PLCXD3: variants seen among roughly 807,000 people sequenced by gnomAD.
The protein encoded by PLCXD3 is phosphatidylinositol specific phospholipase C X domain containing 3, also known as PI-PLC X domain-containing protein 3.
A neutral mutation model predicts 25.5 loss-of-function variants in PLCXD3; 19 were observed. That is an observed-to-expected ratio of 0.75 (90% confidence interval 0.52 to 1.09). The LOEUF (loss-of-function observed/expected upper bound fraction) is 1.09, where lower values mean the gene tolerates loss of function less well. Ranked by LOEUF, PLCXD3 falls within the 50% of genes least tolerant of loss-of-function variation. The probability of loss-of-function intolerance (pLI) is 0.00; values close to 1 mark genes in which losing one functional copy is unlikely to be tolerated. For synonymous variants in PLCXD3, 174 were observed against 137.6 expected (o/e 1.26, Z -1.85); for missense variants, 411 against 388.1 (o/e 1.06, Z -0.50).
At chr5:41,355,734 C>T (rs557373928) in intron 2 of PLCXD3, among the ~76,000 whole-genome samples, 150 of 152,236 alleles carry the variant, frequency 9.9e-4, no homozygotes, top group African/African-American at 3.1e-3. Context: ...GCCCTAGTCA[C>T]GAGAGTGGGT....
chr5:41,330,033 A>T (rs985534080), intron 2 of PLCXD3, among the ~76,000 whole-genome samples: 1 of 152,016 alleles, frequency 6.6e-6, no homozygotes, highest in Admixed American at 6.6e-5. Context: ...ATAATAAAAA[A>T]TTTGTGTCTT....
intron 2 of PLCXD3, among the ~76,000 whole-genome samples, chr5:41,370,708 C>T (rs996697878): frequency 1.3e-5 from 2 of 152,180 alleles, no homozygotes; most frequent in Admixed American, 6.6e-5. Context: ...ACATCTGGAT[C>T]GCAAGCCCTC....
At chr5:41,437,010 G>A (rs1443605351) in intron 1 of PLCXD3, among the ~76,000 whole-genome samples, 1 of 152,148 alleles carries the variant, frequency 6.6e-6, no homozygotes, top group South Asian at 2.1e-4. Flanking sequence ...AATCTCATGG[G>A]GTTAGAGAGG....
At chr5:41,485,160 C>T (rs1434357639) in intron 1 of PLCXD3, among the ~76,000 whole-genome samples, 1 of 152,132 alleles carries the variant, frequency 6.6e-6, no homozygotes, top group Non-Finnish European at 1.5e-5. Flanking sequence ...AAGACGGACA[C>T]TATTCTACTT....
At chr5:41,336,370 A>G (rs1048529713) in intron 2 of PLCXD3, among the ~76,000 whole-genome samples, 27 of 152,198 alleles carry the variant, frequency 1.8e-4, no homozygotes, top group Non-Finnish European at 3.5e-4. Context: ...AAAATTTCGT[A>G]AAATACCCAA....
chr5:41,340,763 G>A (rs987532220), intron 2 of PLCXD3, among the ~76,000 whole-genome samples: 3 of 152,092 alleles, frequency 2.0e-5, no homozygotes, highest in South Asian at 4.1e-4. Context: ...AGTTGCAGTC[G>A]GCAGGAAAGA....
intron 2 of PLCXD3, among the ~76,000 whole-genome samples, chr5:41,347,376 T>C (rs1381191263): frequency 6.6e-6 from 1 of 152,234 alleles, no homozygotes; most frequent in East Asian, 1.9e-4. Flanking sequence ...TGGTTTACTC[T>C]GGACATTTAT....
intron 1 of PLCXD3, among the ~76,000 whole-genome samples, chr5:41,501,780 A>ACAT (rs1413179623): frequency 6.6e-6 from 1 of 152,148 alleles, no homozygotes; most frequent in African/African-American, 2.4e-5. Context: ...GTGGCGAACC[A>ACAT]CATCAATGTT....
At chr5:41,344,472 T>G (rs937229241) in intron 2 of PLCXD3, among the ~76,000 whole-genome samples, 3 of 152,156 alleles carry the variant, frequency 2.0e-5, no homozygotes, top group Non-Finnish European at 4.4e-5. Context: ...GAGAAATCCA[T>G]TTTCATTTGT....
At chr5:41,321,714 G>T (rs1032916722) in intron 2 of PLCXD3, among the ~76,000 whole-genome samples, 2 of 152,112 alleles carry the variant, frequency 1.3e-5, no homozygotes, top group Non-Finnish European at 2.9e-5. Flanking sequence ...CATGGCACTG[G>T]CATAAAAACA....
chr5:41,450,402 GT>G (rs1430324148), intron 1 of PLCXD3, among the ~76,000 whole-genome samples: 1 of 152,126 alleles, frequency 6.6e-6, no homozygotes, highest in Non-Finnish European at 1.5e-5. Flanking sequence ...TAATTAGCAA[GT>G]TTCAATTGAC....
At chr5:41,478,771 T>G (rs1748333709) in intron 1 of PLCXD3, among the ~76,000 whole-genome samples, 1 of 152,206 alleles carries the variant, frequency 6.6e-6, no homozygotes, top group South Asian at 2.1e-4. Context: ...GAGATTTAAT[T>G]GACTCACAGT....
At chr5:41,429,220 A>C (rs765788585) in intron 1 of PLCXD3, among the ~76,000 whole-genome samples, 1 of 152,132 alleles carries the variant, frequency 6.6e-6, no homozygotes. Context: ...CTCCATGATC[A>C]GTTTCATTCC....
intron 1 of PLCXD3, among the ~76,000 whole-genome samples, chr5:41,481,138 GA>G (rs543319027): frequency 6.8e-6 from 1 of 147,952 alleles, no homozygotes; most frequent in African/African-American, 2.5e-5. Flanking sequence ...GAAAGGAAGG[GA>G]AAAAAAGCTT....
chr5:41,499,722 C>T (rs1378303020), intron 1 of PLCXD3, among the ~76,000 whole-genome samples: 1 of 151,756 alleles, frequency 6.6e-6, no homozygotes, highest in Non-Finnish European at 1.5e-5. Flanking sequence ...AGGCCTCACA[C>T]CTTCTGATAT....
intron 2 of PLCXD3, among the ~76,000 whole-genome samples, chr5:41,350,199 T>C (rs1327246438): frequency 2.0e-5 from 3 of 152,152 alleles, no homozygotes; most frequent in Non-Finnish European, 2.9e-5. Context: ...ATAGCTCAGT[T>C]GTTTCATTTT....
At chr5:41,403,412 T>TTTTTTTGTTTTTG (rs1189574667) in intron 1 of PLCXD3, among the ~76,000 whole-genome samples, 13 of 41,762 alleles carry the variant, frequency 3.1e-4, no homozygotes, top group Admixed American at 8.6e-4. Flanking sequence ...TTTTTTTTTT[T>TTTTTTTGTTTTTG]TTTTATTATA....
chr5:41,482,554 T>C (rs1220393669), intron 1 of PLCXD3, among the ~76,000 whole-genome samples: 2 of 152,164 alleles, frequency 1.3e-5, no homozygotes, highest in African/African-American at 2.4e-5. Context: ...GAAAGTAATG[T>C]GATTTGGCCA....
intron 2 of PLCXD3, among the ~76,000 whole-genome samples, chr5:41,331,721 C>T (rs1203370275): frequency 6.6e-6 from 1 of 152,182 alleles, no homozygotes; most frequent in East Asian, 1.9e-4. Flanking sequence ...ACCAAAACAG[C>T]ATGGTACTGG....
Sources: gnomAD v4.1 joint callset for allele counts (sites outside exome capture counted in the v4.1 genomes callset) on GRCh38, gnomAD v4.1.1 for gene constraint, MANE v1.5 for transcripts, NCBI Gene and HGNC (gene_info 2026-07-23, HGNC 2026-07-21) for gene names.